SPATA17: variants seen among roughly 807,000 people sequenced by gnomAD.
The protein encoded by SPATA17 is spermatogenesis associated 17.
In SPATA17, 53 loss-of-function variants were observed where a neutral mutation model predicts 62.2. The ratio of observed to expected loss-of-function variants is 0.85; its 90% CI spans 0.68 to 1.07. The LOEUF (loss-of-function observed/expected upper bound fraction) is 1.07, where lower values mean the gene tolerates loss of function less well. Ranked by LOEUF, SPATA17 falls within the 50% of genes least tolerant of loss-of-function variation. SPATA17 has a pLI of 0.00. For missense variants in SPATA17, 466 were observed against 425.5 expected (o/e 1.10, Z -0.84); for synonymous variants, 146 against 146.8 (o/e 0.99, Z 0.04).
intron 9 of SPATA17, among the ~76,000 whole-genome samples, chr1:217,818,210 T>C (rs1318362881): frequency 6.6e-6 from 1 of 152,022 alleles, no homozygotes; most frequent in African/African-American, 2.4e-5. Flanking sequence ...AGAAAGTAAG[T>C]TTGCACTTGA....
intron 5 of SPATA17, among the ~76,000 whole-genome samples, chr1:217,702,953 T>A (rs998565731): frequency 6.6e-6 from 1 of 151,220 alleles, no homozygotes; most frequent in African/African-American, 2.4e-5. Flanking sequence ...CTCGGCTCAC[T>A]ACAACTTCCA....
In SPATA17 at chr1:217,830,631, A is replaced by G. The variant is rs185486618; in HGVS notation, c.1005+28781A>G. 1.0e-3 allele frequency among the ~76,000 whole-genome samples: 153 copies of G among 152,264 alleles called. 2 individuals are homozygous for G. Among genetic ancestry groups the G allele is most frequent in the Non-Finnish European group, 3.1e-4 (21 of 68,014 alleles). On this transcript the variant is annotated intron_variant, in intron 9 of 10. Transcript: ENST00000366933. ...AAACAAGTTCTTCATGGAATTATTT[A>G]GTTACACATTCATATTTATTCTTAG...
intron 5 of SPATA17, among the ~76,000 whole-genome samples, chr1:217,711,087 C>T (rs1000361374): frequency 6.6e-5 from 10 of 152,254 alleles, no homozygotes; most frequent in Non-Finnish European, 1.0e-4. Flanking sequence ...GAGATGTTTC[C>T]ACTTTTTGGA....
At chr1:217,786,771 C>CTTCTTCTTCTTCTT (rs1673879670) in intron 8 of SPATA17, among the ~76,000 whole-genome samples, 1 of 133,876 alleles carries the variant, frequency 7.5e-6, no homozygotes, top group East Asian at 2.1e-4. Flanking sequence ...TCTTCTTCTT[C>CTTCTTCTTCTTCTT]TTCTTCTTCT....
chr1:217,736,678 C>A (rs1378958806), intron 5 of SPATA17, among the ~76,000 whole-genome samples: 2 of 152,202 alleles, frequency 1.3e-5, no homozygotes, highest in East Asian at 1.9e-4. Context: ...AAGCAGGGAC[C>A]AATGCTGAAA....
chr1:217,666,949 G>T (rs1173018946), intron 3 of SPATA17, among the ~76,000 whole-genome samples: 1 of 151,722 alleles, frequency 6.6e-6, no homozygotes, highest in Non-Finnish European at 1.5e-5. Flanking sequence ...TTAACTACAG[G>T]ATTCAGAATT....
intron 6 of SPATA17, among the ~76,000 whole-genome samples, chr1:217,749,955 C>G (rs1672859407): frequency 2.7e-5 from 1 of 36,900 alleles, no homozygotes; most frequent in Admixed American, 2.3e-4. Flanking sequence ...CTCTCTCTCT[C>G]TCTCTCTCTC....
chr1:217,682,231 ATAGCAAAGATATTTATAT>A (rs1447779619), intron 4 of SPATA17, among the ~76,000 whole-genome samples: 1 of 152,074 alleles, frequency 6.6e-6, no homozygotes, highest in Non-Finnish European at 1.5e-5. Flanking sequence ...ATTAGAAAAT[ATAGCAAAGATATTTATAT>A]TAGCAAAGAT....
intron 9 of SPATA17, among the ~76,000 whole-genome samples, chr1:217,807,308 A>G (rs1019079755): frequency 2.0e-5 from 3 of 152,072 alleles, no homozygotes; most frequent in Non-Finnish European, 4.4e-5. Flanking sequence ...TACCTATTGA[A>G]TGCTAGGTTC....
intron 3 of SPATA17, among the ~76,000 whole-genome samples, chr1:217,662,610 T>A (rs911180983): frequency 8.5e-5 from 13 of 152,174 alleles, no homozygotes; most frequent in Admixed American, 7.9e-4. Context: ...GAAAGTTTTA[T>A]TAACTTTAAA....
intron 9 of SPATA17, among the ~76,000 whole-genome samples, chr1:217,815,691 G>A (rs1385841321): frequency 2.0e-5 from 3 of 152,144 alleles, no homozygotes; most frequent in African/African-American, 4.8e-5. Context: ...CATAATGTGG[G>A]TGGGTCTCAT....
At chr1:217,864,414 C>T (rs1378848605) in intron 10 of SPATA17, among the ~76,000 whole-genome samples, 1 of 151,982 alleles carries the variant, frequency 6.6e-6, no homozygotes, top group Non-Finnish European at 1.5e-5. Context: ...AAAATGCCTA[C>T]AATATATTTC....
chr1:217,838,083 A>G (rs191597995), intron 9 of SPATA17, among the ~76,000 whole-genome samples: 22 of 152,208 alleles, frequency 1.4e-4, no homozygotes, highest in Non-Finnish European at 2.1e-4. Context: ...CCCTGATATT[A>G]TAGATATCTT....
chr1:217,758,309 G>A (rs1313324344), intron 6 of SPATA17, among the ~76,000 whole-genome samples: 3 of 152,148 alleles, frequency 2.0e-5, no homozygotes, highest in African/African-American at 4.8e-5. Flanking sequence ...CATGTACAAT[G>A]ACTACATGAC....
At chr1:217,663,983 A>G (rs1209384455) in intron 3 of SPATA17, among the ~76,000 whole-genome samples, 1 of 152,046 alleles carries the variant, frequency 6.6e-6, no homozygotes, top group Non-Finnish European at 1.5e-5. Flanking sequence ...AAAAGAAGAG[A>G]TCCATACTAG....
chr1:217,816,180 C>T (rs938016359), intron 9 of SPATA17, among the ~76,000 whole-genome samples: 1 of 151,856 alleles, frequency 6.6e-6, no homozygotes, highest in African/African-American at 2.4e-5. Flanking sequence ...TATACTGAGT[C>T]TTAGCATTCA....
At chr1:217,667,159 T>C (rs1447320590) in intron 3 of SPATA17, among the ~76,000 whole-genome samples, 2 of 150,452 alleles carry the variant, frequency 1.3e-5, no homozygotes, top group Non-Finnish European at 3.0e-5. Context: ...GAGATTCTCC[T>C]GCCTCAGCCT....
intron 9 of SPATA17, among the ~76,000 whole-genome samples, chr1:217,835,609 A>G (rs1237134278): frequency 6.6e-6 from 1 of 152,146 alleles, no homozygotes; most frequent in Non-Finnish European, 1.5e-5. Flanking sequence ...AAGTAAGTCA[A>G]TACATGGATG....
chr1:217,810,497 C>A (rs1249424310), intron 9 of SPATA17, among the ~76,000 whole-genome samples: 2 of 127,902 alleles, frequency 1.6e-5, no homozygotes, highest in African/African-American at 5.9e-5. Flanking sequence ...TGGCACACAC[C>A]TGTAATCTCA....
Sources: gnomAD v4.1 joint callset for allele counts (sites outside exome capture counted in the v4.1 genomes callset) on GRCh38, gnomAD v4.1.1 for gene constraint, MANE v1.5 for transcripts, NCBI Gene and HGNC (gene_info 2026-07-23, HGNC 2026-07-21) for gene names.